MGAT4C: variants seen among roughly 807,000 people sequenced by gnomAD.
MGAT4C encodes alpha-1,3-mannosyl-glycoprotein 4-beta-N-acetylglucosaminyltransferase C.
Under a neutral mutation model 40.1 loss-of-function variants are expected in MGAT4C, and 19 were observed. The ratio of observed to expected loss-of-function variants is 0.47; its 90% CI spans 0.33 to 0.70. The LOEUF is 0.70. MGAT4C is among the 30% of genes least tolerant of loss of function. MGAT4C has a pLI of 0.02. For synonymous variants in MGAT4C, 181 were observed against 187.1 expected (o/e 0.97, Z 0.27); for missense variants, 491 against 563.2 (o/e 0.87, Z 1.30).
At chr12:86,680,113 A>G (rs532979607) in intron 2 of MGAT4C, among the ~76,000 whole-genome samples, 9 of 152,080 alleles carry the variant, frequency 5.9e-5, no homozygotes, top group Non-Finnish European at 1.3e-4. Context: ...ATAAACAGAG[A>G]ATTTGGCCAA....
intron 2 of MGAT4C, among the ~76,000 whole-genome samples, chr12:86,625,028 C>T (rs1016986003): frequency 6.6e-6 from 1 of 151,900 alleles, no homozygotes; most frequent in East Asian, 1.9e-4. Context: ...ATGCTGGTCT[C>T]GTGATAGTGA....
At chr12:86,293,198 A>AT (rs1393211598) in intron 4 of MGAT4C, among the ~76,000 whole-genome samples, 1 of 152,166 alleles carries the variant, frequency 6.6e-6, no homozygotes, top group Non-Finnish European at 1.5e-5. Context: ...GCTGATTTGA[A>AT]TGGGTTGTTC....
chr12:86,171,358 A>G (rs1210101013), intron 1 of MGAT4C, among the ~76,000 whole-genome samples: 1 of 152,170 alleles, frequency 6.6e-6, no homozygotes, highest in Non-Finnish European at 1.5e-5. Flanking sequence ...AACAAGAGTG[A>G]AATTCCATCT....
chr12:86,215,014 G>T (rs1303115998), intron 1 of MGAT4C, among the ~76,000 whole-genome samples: 1 of 151,922 alleles, frequency 6.6e-6, no homozygotes, highest in Non-Finnish European at 1.5e-5. Context: ...CCTTCACAGG[G>T]TCTTCTTGAC....
At chr12:86,282,483 T>C (rs1334691046) in intron 4 of MGAT4C, among the ~76,000 whole-genome samples, 1 of 152,034 alleles carries the variant, frequency 6.6e-6, no homozygotes, top group Non-Finnish European at 1.5e-5. Flanking sequence ...ATTTACTGTG[T>C]TTATATTTTT....
At position 85,967,927 on chromosome 12, in the gene MGAT4C, A is replaced by G. The variant is rs1047938079; in HGVS notation, c.*11362T>C. The stretch of plus-strand genomic sequence containing the variant: ...ACACTTTTTAGATCTCTATGTAAAT[A>G]CATTATTTCATTTGTGGAAATATAT... On this transcript the variant is annotated 3_prime_UTR_variant, in exon 5 of 5. Coordinates refer to ENST00000611864, the MANE Select transcript of MGAT4C (RefSeq NM_001351288.2). 10 of 152,078 alleles carry G rather than the reference A, an allele frequency of 6.6e-5. No individual in the cohort carries two copies. The highest frequency in any genetic ancestry group is 2.2e-4 in the African/African-American group (9 of 41,438). 9.4% of individuals were successfully genotyped at this position (152,078 alleles called of 1,614,324 possible).
intron 3 of MGAT4C, among the ~76,000 whole-genome samples, chr12:86,386,847 G>T (rs909432256): frequency 6.6e-6 from 1 of 151,930 alleles, no homozygotes; most frequent in African/African-American, 2.4e-5. Context: ...TCTTCTATTT[G>T]ACTTGTTAAC....
intron 2 of MGAT4C, among the ~76,000 whole-genome samples, chr12:86,491,119 C>T (rs1023404728): frequency 1.3e-5 from 2 of 152,080 alleles, no homozygotes; most frequent in Non-Finnish European, 2.9e-5. Flanking sequence ...TCTGAATAGA[C>T]CAATAACAGG....
In MGAT4C at chr12:86,187,168, G is replaced by A. The variant is rs863392; in HGVS notation, c.-57+69071C>T. On this transcript the variant is annotated intron_variant, in intron 1 of 4. Coordinates refer to ENST00000611864, the MANE Select transcript of MGAT4C (RefSeq NM_001351288.2). ...CATTCTATCAACCATTTTATTAGGT[G>A]ATATGTATCACAAATCATAAAGATC... is the stretch of plus-strand genomic sequence containing the variant. 2.6e-5 allele frequency among the ~76,000 whole-genome samples: 4 copies of A among 151,858 alleles called. No homozygotes were observed. In the East Asian group the frequency reaches 7.8e-4, roughly 30 times the overall value.
chr12:86,828,803 A>T (rs1217255557), intron 1 of MGAT4C, among the ~76,000 whole-genome samples: 1 of 151,590 alleles, frequency 6.6e-6, no homozygotes, highest in Non-Finnish European at 1.5e-5. Context: ...AACGTCCAAA[A>T]AAGCAAAGAT....
chr12:86,781,419 G>A (rs940046078), intron 1 of MGAT4C, among the ~76,000 whole-genome samples: 3 of 151,984 alleles, frequency 2.0e-5, no homozygotes, highest in African/African-American at 7.2e-5. Context: ...AAAAGAAAAT[G>A]ATAGTATAGA....
chr12:86,212,296 C>G (rs1950503404), intron 1 of MGAT4C, among the ~76,000 whole-genome samples: 1 of 152,134 alleles, frequency 6.6e-6, no homozygotes, highest in Admixed American at 6.5e-5. Context: ...TTACATTGAA[C>G]TTCTTATAAA....
At chr12:86,229,905 A>G (rs1158346534) in intron 1 of MGAT4C, among the ~76,000 whole-genome samples, 1 of 152,048 alleles carries the variant, frequency 6.6e-6, no homozygotes, top group Non-Finnish European at 1.5e-5. Flanking sequence ...AGCAACATGA[A>G]ATAATGTCTT....
intron 2 of MGAT4C, among the ~76,000 whole-genome samples, chr12:86,006,764 A>C (rs1887926971): frequency 6.6e-6 from 1 of 152,184 alleles, no homozygotes; most frequent in East Asian, 1.9e-4. Context: ...GCCTTAAGCA[A>C]GAAACTTACT....
chr12:86,124,056 C>T lies in MGAT4C; in HGVS notation c.-56-74333G>A, dbSNP rs533409416. Among the ~76,000 whole-genome samples the T allele has an allele frequency of 3.3e-5, 5 of 151,978 alleles. No individual in the cohort carries two copies. In the South Asian group the frequency reaches 1.0e-3, roughly 32 times the overall value. On this transcript the variant is annotated intron_variant, in intron 1 of 4. Transcript: ENST00000611864. The stretch of plus-strand genomic sequence containing the variant: ...TAAGCCAAAAGAAATAGATGGTGAA[C>T]CTTTTTACAGTTCCTGGAGATATGA...
At chr12:86,292,286 T>A (rs1953538147) in intron 4 of MGAT4C, among the ~76,000 whole-genome samples, 1 of 151,924 alleles carries the variant, frequency 6.6e-6, no homozygotes, top group Admixed American at 6.5e-5. Context: ...ACTATTAAAA[T>A]ATTTTTTTAA....
chr12:86,552,371 A>C (rs892064244), intron 2 of MGAT4C, among the ~76,000 whole-genome samples: 1 of 152,090 alleles, frequency 6.6e-6, no homozygotes, highest in Non-Finnish European at 1.5e-5. Flanking sequence ...CAGGTTAGGA[A>C]GGGCAAGGGG....
chr12:86,356,982 C>T (rs950265450), intron 3 of MGAT4C, among the ~76,000 whole-genome samples: 3 of 152,122 alleles, frequency 2.0e-5, no homozygotes, highest in African/African-American at 7.2e-5. Context: ...AGTGGTTCTC[C>T]CACCACAGAG....
At chr12:86,622,698 A>T (rs987055529) in intron 2 of MGAT4C, among the ~76,000 whole-genome samples, 10 of 152,184 alleles carry the variant, frequency 6.6e-5, no homozygotes, top group African/African-American at 2.4e-4. Flanking sequence ...TAATGAGAAT[A>T]CAAAACATGT....
Sources: allele counts gnomAD v4.1 joint callset (sites outside exome capture counted in the v4.1 genomes callset), GRCh38; gene constraint gnomAD v4.1.1; transcripts MANE v1.5; gene names NCBI Gene and HGNC (gene_info 2026-07-23, HGNC 2026-07-21).